Variants in PRG2 observed in about 807,000 individuals in gnomAD.
The protein encoded by PRG2 is proteoglycan 2, pro eosinophil major basic protein.
A neutral mutation model predicts 24.7 loss-of-function variants in PRG2; 23 were observed. That is an observed-to-expected ratio of 0.93 (90% CI 0.67 to 1.32). PRG2 has a LOEUF of 1.32. Ranked by LOEUF, PRG2 falls within the 40% of genes most tolerant of loss-of-function variation. The pLI is 0.00. For missense variants in PRG2, 271 were observed against 280.9 expected (o/e 0.96, Z 0.25); for synonymous variants, 104 against 99.8 (o/e 1.04, Z -0.25).
At chr11:57,389,439 C>T in intron 2 of PRG2, 122 bp from the exon 3 acceptor site, 2 of 1,119,684 alleles carry the variant, frequency 1.8e-6, no homozygotes, top group Non-Finnish European at 2.5e-6. Flanking sequence ...GGAAGGGGAA[C>T]CTGGAACCCA....
chr11:57,387,881 G>A lies in PRG2; in HGVS notation c.499-16C>T. 6.5e-7 allele frequency: 1 copy of A among 1,536,420 alleles called. No individual in the cohort carries two copies. Among genetic ancestry groups the A allele is most frequent in the Non-Finnish European group, 8.8e-7 (1 of 1,136,262 alleles). On this transcript the variant is annotated splice_polypyrimidine_tract_variant and intron_variant, in intron 4 of 5. Coordinates refer to ENST00000311862, the MANE Select transcript of PRG2 (RefSeq NM_002728.6). ...TGCAGCGACCCTGGAGAAAGCAAGA[G>A]GGGAAGAAGGGATGGGGCAGAGGGA... is the stretch of plus-strand genomic sequence containing the variant.
At position 57,389,191 on chromosome 11, in the gene PRG2, G is replaced by C. The variant is rs202165174; in HGVS notation, c.185C>G (p.Ser62Cys). 4 of 1,614,156 alleles carry C rather than the reference G, an allele frequency of 2.5e-6. No homozygotes were observed. Among genetic ancestry groups the C allele is most frequent in the Non-Finnish European group, 2.5e-6 (3 of 1,180,046 alleles). ...RELEEEEEWGSGSEDASKKDG... is the reference protein window; with the variant it reads ...RELEEEEEWGCGSEDASKKDG... ...TTTCTTGGAGGCATCTTCACTTCCA[G>C]AGCCCCACTCCTCCTCTTCCTCCAG... Residue 62 changes from serine to cysteine, a missense_variant, in exon 3 of 6, where the codon TCT (serine) becomes TGT (cysteine). Transcript: ENST00000311862.
At position 57,388,468 on chromosome 11, in the gene PRG2, C is replaced by T; in HGVS notation, c.498+109G>A. 2.0e-6 allele frequency: 3 copies of T among 1,510,762 alleles called. No homozygotes were observed. In the South Asian group the frequency reaches 3.8e-5, roughly 19 times the overall value. 93.6% of individuals were successfully genotyped at this position (1,510,762 alleles called of 1,614,324 possible). ...TGTTGTCTGTGGGTGTCCATCTATCCCTGGTTCTTCTGGAGATTATACAGG... is the reference window on the plus strand; with the variant it reads ...TGTTGTCTGTGGGTGTCCATCTATCTCTGGTTCTTCTGGAGATTATACAGG... On this transcript the variant is annotated intron_variant, in intron 4 of 5. Coordinates refer to ENST00000311862, the MANE Select transcript of PRG2 (RefSeq NM_002728.6).
At chr11:57,390,027 T>C (rs1857128276) in intron 1 of PRG2, 71 bp from the exon 2 acceptor site, 1 of 1,279,764 alleles carries the variant, frequency 7.8e-7, no homozygotes, top group Non-Finnish European at 1.1e-6. Context: ...ATCACACCAT[T>C]AGGGGACCGT....
At chr11:57,387,598 GC>G in intron 5 of PRG2, 65 bp from the exon 6 acceptor site, 1 of 1,514,916 alleles carries the variant, frequency 6.6e-7, no homozygotes, top group Non-Finnish European at 9.1e-7. Flanking sequence ...CCACAGGAGG[GC>G]CTCTTTTCCC....
Position 57,387,420 on chromosome 11 carries a change from G to T in PRG2, c.*55C>A, listed in dbSNP as rs1399686146. 1.3e-6 allele frequency: 2 copies of T among 1,482,556 alleles called. No homozygotes were observed. The highest frequency in any genetic ancestry group is 1.9e-6 in the Non-Finnish European group (2 of 1,076,840). The allele number at this position is 1,482,556 out of a possible 1,614,324, so 91.8% of individuals were successfully genotyped here. A position where few individuals can be genotyped will look rare whatever the true frequency, so the allele number is the denominator to read the frequency against. On this transcript the variant is annotated 3_prime_UTR_variant, in exon 6 of 6. Coordinates refer to ENST00000311862, the MANE Select transcript of PRG2 (RefSeq NM_002728.6). ...GTGGAGGGAGGGATGGCAAGCAGAGGAGGGGAGGCAGCTGCCCAGGAGAGG... is the reference window on the plus strand; with the variant it reads ...GTGGAGGGAGGGATGGCAAGCAGAGTAGGGGAGGCAGCTGCCCAGGAGAGG...
chr11:57,388,881 T>C, intron 3 of PRG2, 129 bp downstream of exon 3: 1 of 1,434,276 alleles, frequency 7.0e-7, no homozygotes, highest in Non-Finnish European at 9.3e-7. Flanking sequence ...CCAACACCTC[T>C]CTGAGGCTCA....
intron 3 of PRG2, 101 bp downstream of exon 3, chr11:57,388,909 C>T: frequency 6.7e-7 from 1 of 1,488,012 alleles, no homozygotes; most frequent in South Asian, 1.3e-5. Flanking sequence ...CTGACACCCC[C>T]AGGGCCCTCA....
intron 1 of PRG2, 51 bp downstream of exon 1, chr11:57,390,545 C>T: frequency 1.0e-6 from 1 of 977,610 alleles, no homozygotes; most frequent in Non-Finnish European, 1.2e-6. Context: ...CCAGGGACCT[C>T]CTGGGAGAAT....
At chr11:57,387,710 C>T (rs1857071789) in intron 5 of PRG2, 44 bp downstream of exon 5, 6 of 1,481,934 alleles carry the variant, frequency 4.0e-6, no homozygotes, top group Non-Finnish European at 5.5e-6. Flanking sequence ...GGGCACTTCC[C>T]ATCTCCCAGA....
Sources: allele counts gnomAD v4.1 joint callset, GRCh38; gene constraint gnomAD v4.1.1; transcripts MANE v1.5; gene names NCBI Gene and HGNC (gene_info 2026-07-23, HGNC 2026-07-21).